PODXL2: variants seen among roughly 807,000 people sequenced by gnomAD.
The protein encoded by PODXL2 is podocalyxin like 2, also known as podocalyxin-like protein 2.
In PODXL2, 17 loss-of-function variants were observed where a neutral mutation model predicts 53.4. That is an observed-to-expected ratio of 0.32 (90% CI 0.22 to 0.48). PODXL2 has a LOEUF of 0.48. Ranked by LOEUF, PODXL2 falls within the 20% of genes least tolerant of loss-of-function variation. PODXL2 has a pLI of 0.99. For synonymous variants in PODXL2, 311 were observed against 306.7 expected (o/e 1.01, Z -0.15); for missense variants, 673 against 760.0 (o/e 0.89, Z 1.35).
chr3:127,672,762 G>A lies in PODXL2; in HGVS notation c.*282G>A, dbSNP rs980724736. On this transcript the variant is annotated 3_prime_UTR_variant, in exon 8 of 8. Transcript: ENST00000342480. The stretch of plus-strand genomic sequence containing the variant: ...GCGGGCGGCGCTTCCTGCGCCCCGG[G>A]ACTCAATTAAACCCGCCCGGAGACC... 2 of 390,674 alleles carry A rather than the reference G, an allele frequency of 5.1e-6. No individual in the cohort carries two copies. The highest frequency in any genetic ancestry group is 2.1e-5 in the African/African-American group (1 of 47,388). The allele number at this position is 390,674 out of a possible 1,614,324, so 24.2% of individuals were successfully genotyped here. A position where few individuals can be genotyped will look rare whatever the true frequency, so the allele number is the denominator to read the frequency against.
chr3:127,670,918 C>T (rs895645559), intron 6 of PODXL2, among the ~76,000 whole-genome samples: 1 of 152,236 alleles, frequency 6.6e-6, no homozygotes, highest in Admixed American at 6.5e-5. Context: ...GCTGGGCAGC[C>T]GGGGTGGCCC....
intron 4 of PODXL2, 89 bp downstream of exon 4, chr3:127,662,400 T>C (rs2074773650): frequency 3.1e-6 from 3 of 976,828 alleles, no homozygotes; most frequent in African/African-American, 1.6e-5. Flanking sequence ...GGACAAGCAG[T>C]GCGTGGGAGA....
At chr3:127,646,819 A>C (rs1416928153) in intron 2 of PODXL2, among the ~76,000 whole-genome samples, 1 of 152,328 alleles carries the variant, frequency 6.6e-6, no homozygotes, top group African/African-American at 2.4e-5. Context: ...AAGGCCACAC[A>C]GCTTGTGTGT....
At chr3:127,661,296 G>A (rs2074766189) in intron 3 of PODXL2, 137 bp downstream of exon 3, 1 of 645,662 alleles carries the variant, frequency 1.5e-6, no homozygotes. Context: ...AGAACCCCAT[G>A]GAACTTGTGG....
At chr3:127,665,949 C>T in intron 4 of PODXL2, 1 of 470,290 alleles carries the variant, frequency 2.1e-6, no homozygotes, top group Non-Finnish European at 4.3e-6. Context: ...ATCTGGGCCC[C>T]AGGTGTGCTC....
intron 3 of PODXL2, 119 bp downstream of exon 3, chr3:127,661,278 C>T (rs1487008320): frequency 7.0e-6 from 5 of 715,824 alleles, no homozygotes; most frequent in South Asian, 1.8e-5. Flanking sequence ...GCCCTTTCCA[C>T]AGCACGTAGA....
At chr3:127,650,479 A>C (rs1318237431) in intron 2 of PODXL2, among the ~76,000 whole-genome samples, 1 of 152,186 alleles carries the variant, frequency 6.6e-6, no homozygotes, top group Non-Finnish European at 1.5e-5. Context: ...AGCTCAGCTT[A>C]CCAGCTGTGA....
intron 4 of PODXL2, among the ~76,000 whole-genome samples, chr3:127,663,653 T>C (rs1474292855): frequency 6.6e-6 from 1 of 152,242 alleles, no homozygotes; most frequent in Non-Finnish European, 1.5e-5. Context: ...CCTCTTTGAG[T>C]TGGCCTCTGA....
At position 127,639,243 on chromosome 3, in the gene PODXL2, AG is replaced by A; in HGVS notation, c.71del. 1.3e-6 allele frequency: 2 copies of A among 1,598,032 alleles called. No homozygotes were observed. Among genetic ancestry groups the A allele is most frequent in the Non-Finnish European group, 1.7e-6 (2 of 1,173,296 alleles). ...GACTGTCTGGCTTTTATGTCTGCAC[AG>A]GAGCGTTCCTGGGTGCCTGTGTGGC... On this transcript the variant is annotated splice_acceptor_variant, in intron 1 of 7. Transcript: ENST00000342480. LOFTEE classifies it high-confidence loss of function.
intron 2 of PODXL2, among the ~76,000 whole-genome samples, chr3:127,648,186 T>C (rs2074667302): frequency 6.6e-6 from 1 of 152,236 alleles, no homozygotes; most frequent in Middle Eastern, 3.2e-3. Flanking sequence ...AGAGTTCTAC[T>C]TCAAGATCTG....
At chr3:127,642,158 C>T (rs1464021408) in intron 2 of PODXL2, among the ~76,000 whole-genome samples, 3 of 151,690 alleles carry the variant, frequency 2.0e-5, no homozygotes, top group African/African-American at 4.8e-5. Flanking sequence ...GGTGTGGTGG[C>T]GGACGCCTGT....
At chr3:127,648,902 C>G (rs1162950926) in intron 2 of PODXL2, among the ~76,000 whole-genome samples, 3 of 150,136 alleles carry the variant, frequency 2.0e-5, no homozygotes, top group African/African-American at 7.4e-5. Context: ...AAGCAATTCT[C>G]CTGCCTCAGC....
intron 1 of PODXL2, among the ~76,000 whole-genome samples, chr3:127,635,671 G>A (rs565398888): frequency 3.3e-5 from 5 of 152,296 alleles, no homozygotes; most frequent in South Asian, 2.1e-4. Context: ...GTTGGGCCCC[G>A]TCACAGACCA....
At chr3:127,636,862 C>T (rs1358275665) in intron 1 of PODXL2, among the ~76,000 whole-genome samples, 3 of 152,228 alleles carry the variant, frequency 2.0e-5, no homozygotes, top group Non-Finnish European at 2.9e-5. Context: ...CTCACTCTGT[C>T]GCCCAGGCTG....
In PODXL2 at chr3:127,639,375, C is replaced by A. The variant is rs1576427157; in HGVS notation, c.201C>A (p.Thr67=). 2 of 1,614,218 alleles carry A rather than the reference C, an allele frequency of 1.2e-6. No individual in the cohort carries two copies. The highest frequency in any genetic ancestry group is 1.1e-5 in the South Asian group (1 of 91,084). The change falls in exon 2 of 8, where the codon ACC becomes ACA. Residue 67 remains threonine (T), a synonymous_variant. Transcript: ENST00000342480. The stretch of plus-strand genomic sequence containing the variant: ...TGGACTCAGAGGAGCCTAGTGAGAC[C>A]ATGGGCCTGGGAGCTGGGCTGGGAG... ...EPLDSEEPSE[T]MGLGAGLGAP...
chr3:127,663,753 T>C (rs2074780698), intron 4 of PODXL2, among the ~76,000 whole-genome samples: 3 of 152,206 alleles, frequency 2.0e-5, no homozygotes, highest in Admixed American at 1.3e-4. Context: ...CCCCCAGACA[T>C]GGAGCCCTCA....
chr3:127,648,321 G>A (rs1014746298), intron 2 of PODXL2, among the ~76,000 whole-genome samples: 1 of 152,220 alleles, frequency 6.6e-6, no homozygotes, highest in African/African-American at 2.4e-5. Context: ...CCTGTACAGC[G>A]AAGCCTTGTT....
intron 2 of PODXL2, among the ~76,000 whole-genome samples, chr3:127,642,879 A>G (rs1214451911): frequency 6.6e-6 from 1 of 152,138 alleles, no homozygotes; most frequent in Non-Finnish European, 1.5e-5. Flanking sequence ...TTTGGCGAGT[A>G]ACTAACCCTA....
intron 5 of PODXL2, among the ~76,000 whole-genome samples, chr3:127,668,804 G>A (rs921936724): frequency 2.6e-5 from 4 of 152,216 alleles, no homozygotes; most frequent in Non-Finnish European, 5.9e-5. Flanking sequence ...TAAGGATGGG[G>A]AACAGGAGGC....
Sources: allele counts gnomAD v4.1 joint callset (sites outside exome capture counted in the v4.1 genomes callset), GRCh38; gene constraint gnomAD v4.1.1; transcripts MANE v1.5; gene names NCBI Gene and HGNC (gene_info 2026-07-23, HGNC 2026-07-21).